MKNK1: variants seen among roughly 807,000 people sequenced by gnomAD.
MKNK1 encodes the protein MAPK interacting serine/threonine kinase 1, also known as MAP kinase-interacting serine/threonine-protein kinase 1.
In MKNK1, 30 loss-of-function variants were observed where a neutral mutation model predicts 49.3. The observed-to-expected ratio is 0.61, with a 90% CI of 0.46 to 0.83. The LOEUF is 0.83. Ranked by LOEUF, MKNK1 falls within the 40% of genes least tolerant of loss-of-function variation. The probability of loss-of-function intolerance (pLI) is 0.00; values close to 1 mark genes in which losing one functional copy is unlikely to be tolerated. For synonymous variants in MKNK1, 176 were observed against 201.7 expected (o/e 0.87, Z 1.08); for missense variants, 423 against 524.7 (o/e 0.81, Z 1.89).
At chr1:46,597,300 C>CA (rs11312871) in intron 1 of MKNK1, among the ~76,000 whole-genome samples, 6,702 of 130,660 alleles carry the variant, frequency 0.051, 155 homozygotes, top group Middle Eastern at 0.093. Context: ...CGTTTTAGAG[C>CA]AAAAAAAAAA....
rs569831138 is a variant in MKNK1 at position 46,571,400 on chromosome 1, C to T, written c.457+663G>A. On this transcript the variant is annotated intron_variant, in intron 7 of 12. Transcript: ENST00000371945. ...CTCTACAAAAAAATACAAAAATTTC[C>T]AGGTGGTGGCACACACCTGTAGTCC... 154 of 266,798 alleles carry T rather than the reference C, an allele frequency of 5.8e-4. 3 individuals are homozygous for T. Among genetic ancestry groups the T allele is most frequent in the South Asian group, 4.6e-3 (152 of 33,340 alleles). 16.5% of individuals were successfully genotyped at this position (266,798 alleles called of 1,614,324 possible).
At chr1:46,577,342 G>A (rs189391759) in intron 4 of MKNK1, among the ~76,000 whole-genome samples, 29 of 152,254 alleles carry the variant, frequency 1.9e-4, no homozygotes, top group Admixed American at 7.8e-4. Context: ...TTAGCCAGGC[G>A]TGGTAGTGGG....
At chr1:46,599,940 A>C (rs1033856673) in intron 1 of MKNK1, among the ~76,000 whole-genome samples, 2 of 150,876 alleles carry the variant, frequency 1.3e-5, no homozygotes, top group African/African-American at 4.9e-5. Flanking sequence ...ATTTTAGCCA[A>C]AATCTGCCAA....
intron 7 of MKNK1, chr1:46,568,981 T>C (rs185322647): frequency 6.5e-6 from 1 of 154,708 alleles, no homozygotes; most frequent in East Asian, 1.9e-4. Flanking sequence ...GGAGCAAGTG[T>C]TAGTTACCAA....
intron 10 of MKNK1, 97 bp downstream of exon 10, chr1:46,562,552 G>C: frequency 2.2e-6 from 3 of 1,368,138 alleles, no homozygotes; most frequent in South Asian, 1.4e-5. Context: ...CCCCCATCCC[G>C]ATCAGGAACG....
intron 9 of MKNK1, among the ~76,000 whole-genome samples, chr1:46,563,278 G>T (rs898807404): frequency 6.6e-6 from 1 of 152,208 alleles, no homozygotes; most frequent in Non-Finnish European, 1.5e-5. Context: ...AGAGCAGGAA[G>T]TGTAACAATT....
chr1:46,568,467 A>G lies in MKNK1; in HGVS notation c.489T>C (p.Asn163=), dbSNP rs775974559. The G allele has an allele frequency of 1.9e-6, 3 of 1,614,144 alleles. No homozygotes were observed. Among genetic ancestry groups the G allele is most frequent in the South Asian group, 1.1e-5 (1 of 91,076 alleles). The change falls in exon 8 of 13, where the codon AAT becomes AAC. Residue 163 remains asparagine (N), a synonymous_variant. Coordinates refer to ENST00000371945, the MANE Select transcript of MKNK1 (RefSeq NM_001135553.4). ...GIAHRDLKPE[N]ILCESPEKVS... ...CCTTTTCTGGAGATTCACACAATAT[A>G]TTTTCTGGTTTCAGATCACGATGAG... is the stretch of plus-strand genomic sequence containing the variant.
rs141808346 is a variant in MKNK1 at position 46,589,804 on chromosome 1, G to A, written c.-3+4309C>T. On this transcript the variant is annotated intron_variant, in intron 2 of 12. Coordinates refer to ENST00000371945, the MANE Select transcript of MKNK1 (RefSeq NM_001135553.4). The surrounding 1 kb of genome is among the most constrained non-coding windows in gnomAD (Gnocchi z 4.3). The stretch of plus-strand genomic sequence containing the variant: ...TGACCTCGAGGCCCACCCTCTGGAA[G>A]AACTGTGTTACTTCTCCATAGTCTT... Among the ~76,000 whole-genome samples the A allele has an allele frequency of 1.2e-4, 19 of 152,266 alleles. No homozygotes were observed. In the East Asian group the frequency reaches 3.7e-3, roughly 29 times the overall value.
intron 8 of MKNK1, chr1:46,565,485 C>T (rs549205226): frequency 3.0e-5 from 9 of 302,558 alleles, no homozygotes; most frequent in Non-Finnish European, 5.8e-5. Context: ...GAGAGACAGA[C>T]TTCTTGCAGC....
intron 1 of MKNK1, among the ~76,000 whole-genome samples, chr1:46,598,224 G>C (rs1674319694): frequency 6.6e-6 from 1 of 152,210 alleles, no homozygotes; most frequent in African/African-American, 2.4e-5. Flanking sequence ...CAAGTGAATT[G>C]GAGGAGTCTT....
At chr1:46,585,927 T>C (rs913305065) in intron 2 of MKNK1, 14 of 1,365,892 alleles carry the variant, frequency 1.0e-5, no homozygotes, top group East Asian at 4.5e-5. Flanking sequence ...AAGGGACAAA[T>C]GGTTAAGACT....
At chr1:46,595,564 T>C (rs188117840) in intron 1 of MKNK1, among the ~76,000 whole-genome samples, 12 of 152,370 alleles carry the variant, frequency 7.9e-5, no homozygotes, top group Admixed American at 2.0e-4. Context: ...CTAGTGAATC[T>C]GAATGAATTA....
intron 2 of MKNK1, among the ~76,000 whole-genome samples, chr1:46,588,224 TTTTC>T (rs1218609226): frequency 6.6e-6 from 1 of 152,214 alleles, no homozygotes; most frequent in Admixed American, 6.5e-5. Context: ...GTGATTTTTA[TTTTC>T]TTTTTTATAT....
At chr1:46,594,027 C>A (rs1673720743) in intron 2 of MKNK1, 86 bp downstream of exon 2, 1 of 1,083,854 alleles carries the variant, frequency 9.2e-7, no homozygotes. Flanking sequence ...ACCACGGTCT[C>A]TTACCCGCCC....
At chr1:46,580,228 T>C (rs1470194871) in intron 4 of MKNK1, among the ~76,000 whole-genome samples, 1 of 152,224 alleles carries the variant, frequency 6.6e-6, no homozygotes, top group African/African-American at 2.4e-5. Context: ...GTCAGAATAA[T>C]GAGAAACTTA....
chr1:46,591,672 CCT>C (rs1369017899), intron 2 of MKNK1, among the ~76,000 whole-genome samples: 1 of 152,160 alleles, frequency 6.6e-6, no homozygotes, highest in Non-Finnish European at 1.5e-5. Context: ...ACCCCAAGCC[CCT>C]GTCTACCTTC....
intron 2 of MKNK1, among the ~76,000 whole-genome samples, chr1:46,591,633 A>G (rs1570301561): frequency 1.3e-5 from 2 of 152,300 alleles, no homozygotes; most frequent in East Asian, 3.9e-4. Flanking sequence ...AAGGCCCCCA[A>G]GCACAAACGC....
intron 9 of MKNK1, among the ~76,000 whole-genome samples, chr1:46,564,044 C>CAAA (rs1217205121): frequency 0.53 from 20,565 of 39,010 alleles, 7,406 homozygotes; most frequent in Non-Finnish European, 0.64. Context: ...GACTCTGTCT[C>CAAA]AAAAAAAAAA....
chr1:46,582,098 C>T (rs898669050), intron 3 of MKNK1, among the ~76,000 whole-genome samples: 2 of 152,166 alleles, frequency 1.3e-5, no homozygotes, highest in African/African-American at 4.8e-5. Context: ...GAAGTACTCT[C>T]TTGTGTTAAC....
Sources: allele counts gnomAD v4.1 joint callset (sites outside exome capture counted in the v4.1 genomes callset), GRCh38; gene constraint gnomAD v4.1.1; non-coding constraint Gnocchi (gnomAD v3.1); transcripts MANE v1.5; gene names NCBI Gene and HGNC (gene_info 2026-07-23, HGNC 2026-07-21).